The following TNR variants were observed in gnomAD, a reference collection of about 807,000 sequenced individuals.
TNR encodes tenascin-R.
Under a neutral mutation model 150.4 loss-of-function variants are expected in TNR, and 45 were observed. The ratio of observed to expected loss-of-function variants is 0.30; its 90% CI spans 0.24 to 0.38. TNR has a LOEUF of 0.38. Ranked by LOEUF, TNR falls within the 10% of genes least tolerant of loss-of-function variation. The pLI, the probability that TNR is intolerant of heterozygous loss-of-function variation, is 1.00. For synonymous variants in TNR, 687 were observed against 678.4 expected (o/e 1.01, Z -0.20); for missense variants, 1,544 against 1,759.1 (o/e 0.88, Z 2.19).
chr1:175,472,473 G>A (rs948555858), intron 2 of TNR, among the ~76,000 whole-genome samples: 2 of 152,176 alleles, frequency 1.3e-5, no homozygotes, highest in African/African-American at 4.8e-5. Context: ...ATAATTGCAT[G>A]TGTTAGACTT....
intron 1 of TNR, among the ~76,000 whole-genome samples, chr1:175,608,998 G>A (rs2101853374): frequency 6.6e-6 from 1 of 152,306 alleles, no homozygotes; most frequent in Middle Eastern, 3.4e-3. Flanking sequence ...TCCTTCCACA[G>A]GCCCATAAGA....
intron 20 of TNR, among the ~76,000 whole-genome samples, chr1:175,335,023 G>A (rs771447850): frequency 1.4e-4 from 22 of 152,104 alleles, no homozygotes; most frequent in Non-Finnish European, 2.8e-4. Context: ...AGACAGAGAG[G>A]AGACCACAAA....
intron 1 of TNR, among the ~76,000 whole-genome samples, chr1:175,664,499 G>A (rs747354144): frequency 1.3e-5 from 2 of 152,206 alleles, no homozygotes; most frequent in Non-Finnish European, 2.9e-5. Flanking sequence ...AGAGGGAAAG[G>A]TGAGGTGGTC....
rs4325094 is a variant in TNR at position 175,549,189 on chromosome 1, C to T, written c.-164-20820G>A. ...AGGGTCTGCTTTGGGTCCTTAGGTA[C>T]ATGAGGTTTACTCATTTGGGTGAGA... is the stretch of plus-strand genomic sequence containing the variant. On this transcript the variant is annotated intron_variant, in intron 1 of 22. Transcript: ENST00000367674. Among the ~76,000 whole-genome samples, 716 of 152,324 alleles carry T rather than the reference C, an allele frequency of 4.7e-3. 3 individuals carry two copies. Among genetic ancestry groups the T allele is most frequent in the Middle Eastern group, 0.014 (4 of 294 alleles).
Position 175,320,499 on chromosome 1 carries a change from A to G in TNR, c.*2858T>C, listed in dbSNP as rs1464868391. The G allele has an allele frequency of 6.6e-6, 1 of 152,204 alleles. No individual in the cohort carries two copies. The highest frequency in any genetic ancestry group is 1.5e-5 in the Non-Finnish European group (1 of 68,026). 9.4% of individuals were successfully genotyped at this position (152,204 alleles called of 1,614,324 possible). ...TTATAAAAATGTTCCATAGTGTAGAATGGTTTCAATAAAAGGAAGATTTTT... is the reference window on the plus strand; with the variant it reads ...TTATAAAAATGTTCCATAGTGTAGAGTGGTTTCAATAAAAGGAAGATTTTT... On this transcript the variant is annotated 3_prime_UTR_variant, in exon 23 of 23. Transcript: ENST00000367674.
Position 175,330,103 on chromosome 1 carries a change from A to T in TNR, c.3764T>A (p.Leu1255His). 1 of 1,606,112 alleles carries T rather than the reference A, an allele frequency of 6.2e-7. No homozygotes were observed. Among genetic ancestry groups the T allele is most frequent in the African/African-American group, 1.3e-5 (1 of 74,838 alleles). Residue 1255 changes from leucine (L) to histidine (H), a missense_variant, in exon 21 of 23, where the codon CTC (leucine) becomes CAC (histidine). Physicochemically the swap from Leu to His is moderately conservative, Grantham distance 99 (BLOSUM62 -3). Around this residue, in one of 2 missense-constraint regions of TNR, gnomAD observed 290 missense variants for 429.7 expected, o/e 0.67. Transcript: ENST00000367674. The part of the protein sequence containing the change: ...SVEDSRNLYK[L>H]RIGSYNGTAG... ...AGTGCCGTTGTAGCTTCCTATGCGG[A>T]GTTTGTACAGGTTTCTGCTGTCCTC...
intron 2 of TNR, among the ~76,000 whole-genome samples, chr1:175,454,267 G>A (rs1403656980): frequency 6.6e-6 from 1 of 152,188 alleles, no homozygotes; most frequent in Non-Finnish European, 1.5e-5. Flanking sequence ...ACAGGCAGAG[G>A]CCAGAGAATG....
At chr1:175,446,982 G>A (rs929601649) in intron 2 of TNR, among the ~76,000 whole-genome samples, 1 of 152,184 alleles carries the variant, frequency 6.6e-6, no homozygotes, top group African/African-American at 2.4e-5. Context: ...GTGTAATCAT[G>A]TGTATGGGCA....
Position 175,426,685 on chromosome 1 carries a change from A to G in TNR, c.-63-19908T>C, listed in dbSNP as rs117107403. On this transcript the variant is annotated intron_variant, in intron 2 of 22. Transcript: ENST00000367674. Reference sequence around the variant, plus strand: ...CTTTTACTCTATTGACCATAAAGATACATGTTACTCCGTAACCTAATACCT... The same window carrying G: ...CTTTTACTCTATTGACCATAAAGATGCATGTTACTCCGTAACCTAATACCT... Among the ~76,000 whole-genome samples, 697 of 151,670 alleles carry G rather than the reference A, an allele frequency of 4.6e-3. 1 individual carries two copies. The highest frequency in any genetic ancestry group is 7.9e-3 in the Non-Finnish European group (534 of 67,956).
At chr1:175,433,610 G>T (rs1009765114) in intron 2 of TNR, among the ~76,000 whole-genome samples, 1 of 152,186 alleles carries the variant, frequency 6.6e-6, no homozygotes, top group Non-Finnish European at 1.5e-5. Flanking sequence ...AGGACCTTGG[G>T]CAAGGCAACA....
At position 175,386,313 on chromosome 1, in the gene TNR, G is replaced by A. The variant is rs766926790; in HGVS notation, c.1508-12C>T. 2.6e-6 allele frequency: 4 copies of A among 1,525,482 alleles called. No homozygotes were observed. In the Admixed American group the frequency reaches 8.3e-5, roughly 32 times the overall value. The allele number at this position is 1,525,482 out of a possible 1,614,324, so 94.5% of individuals were successfully genotyped here. On this transcript the variant is annotated splice_polypyrimidine_tract_variant and intron_variant, in intron 7 of 22. Coordinates refer to ENST00000367674, the MANE Select transcript of TNR (RefSeq NM_003285.3). ...GGGGCCGTCAATGACTGAGTGAGAA[G>A]GATCAAACAGAACAAAAAGTTTGAA...
intron 2 of TNR, among the ~76,000 whole-genome samples, chr1:175,476,774 C>T (rs1657559363): frequency 6.6e-6 from 1 of 152,134 alleles, no homozygotes. Context: ...GACATATTAC[C>T]TGACATATTA....
intron 1 of TNR, among the ~76,000 whole-genome samples, chr1:175,671,235 G>A (rs752440575): frequency 6.6e-6 from 1 of 152,192 alleles, no homozygotes; most frequent in Non-Finnish European, 1.5e-5. Context: ...GTTTTGAGGA[G>A]CCTGTGACCA....
intron 2 of TNR, among the ~76,000 whole-genome samples, chr1:175,461,468 A>G (rs2102105677): frequency 6.6e-6 from 1 of 152,338 alleles, no homozygotes; most frequent in African/African-American, 2.4e-5. Flanking sequence ...GATAACATTA[A>G]TGTCAGCACT....
At chr1:175,588,134 T>C (rs1233145867) in intron 1 of TNR, among the ~76,000 whole-genome samples, 4 of 152,218 alleles carry the variant, frequency 2.6e-5, no homozygotes, top group African/African-American at 4.8e-5. Context: ...CTTTTAGAGA[T>C]AATGAGTTCA....
intron 1 of TNR, among the ~76,000 whole-genome samples, chr1:175,724,419 A>G (rs1036339650): frequency 6.6e-6 from 1 of 152,230 alleles, no homozygotes; most frequent in Admixed American, 6.5e-5. Context: ...TAATGATGAC[A>G]GTACCAAGGG....
chr1:175,550,536 G>C (rs1660898276), intron 1 of TNR, among the ~76,000 whole-genome samples: 1 of 151,480 alleles, frequency 6.6e-6, no homozygotes, highest in Non-Finnish European at 1.5e-5. Flanking sequence ...ACCCCCTTGG[G>C]AAGGAGACTG....
intron 20 of TNR, among the ~76,000 whole-genome samples, chr1:175,331,873 G>A (rs74400968): frequency 0.04 from 6,154 of 152,238 alleles, 243 homozygotes; most frequent in Admixed American, 0.094. Flanking sequence ...TGAAATGATT[G>A]GCTGAAGGTC....
intron 1 of TNR, among the ~76,000 whole-genome samples, chr1:175,617,571 C>T (rs1663822897): frequency 6.6e-6 from 1 of 152,166 alleles, no homozygotes; most frequent in Admixed American, 6.5e-5. Flanking sequence ...GTGAGACCAG[C>T]CACATCAGCA....
Sources: gnomAD v4.1 joint callset for allele counts (sites outside exome capture counted in the v4.1 genomes callset) on GRCh38, gnomAD v4.1.1 for gene constraint, gnomAD v4.1.1 regional missense constraint, MANE v1.5 for transcripts, NCBI Gene and HGNC (gene_info 2026-07-23, HGNC 2026-07-21) for gene names.